The following GRID2 variants were observed in gnomAD, a reference collection of about 807,000 sequenced individuals.
GRID2 encodes glutamate ionotropic receptor delta type subunit 2.
A neutral mutation model predicts 114.8 loss-of-function variants in GRID2; 33 were observed. The ratio of observed to expected loss-of-function variants is 0.29; its 90% confidence interval spans 0.22 to 0.38. The LOEUF (loss-of-function observed/expected upper bound fraction) is 0.38, where lower values mean the gene tolerates loss of function less well. GRID2 is among the 10% of genes least tolerant of loss of function. The pLI is 1.00. For missense variants in GRID2, 1,184 were observed against 1,257.7 expected, an observed-to-expected ratio of 0.94 and a Z score of 0.89; for synonymous variants, 505 against 449.9, an observed-to-expected ratio of 1.12 and a Z score of -1.55.
rs1045798453 is a variant in GRID2, at chr4:92,958,741, T to C, written c.245-126254T>C. Among the ~76,000 whole-genome samples, 3 of 152,154 alleles carry C rather than the reference T, an allele frequency of 2.0e-5. No homozygotes were observed. In the East Asian group the frequency reaches 5.8e-4, roughly 29 times the overall value. ...ACCCTCAGAAAGACATTATAGAAAATTGGTATAATTTCTTCCTTGAATGTG... is the reference window on the plus strand; with the variant it reads ...ACCCTCAGAAAGACATTATAGAAAACTGGTATAATTTCTTCCTTGAATGTG... On this transcript the variant is annotated intron_variant, in intron 2 of 15. Coordinates refer to ENST00000282020, the MANE Select transcript of GRID2 (RefSeq NM_001510.4).
At chr4:92,977,809 A>T (rs1303356028) in intron 2 of GRID2, among the ~76,000 whole-genome samples, 1 of 152,200 alleles carries the variant, frequency 6.6e-6, no homozygotes, top group African/African-American at 2.4e-5. Context: ...GGTGATTTCC[A>T]TATTTCTAGT....
In GRID2 at chr4:92,496,230, C is replaced by T. The variant is rs537044045; in HGVS notation, c.89-93901C>T. The stretch of plus-strand genomic sequence containing the variant: ...TTTCAGAATGACTGACACACAATTT[C>T]AATATATGTACACACTCTCCTTTAC... On this transcript the variant is annotated intron_variant, in intron 1 of 15. Coordinates refer to ENST00000282020, the MANE Select transcript of GRID2 (RefSeq NM_001510.4). Among the ~76,000 whole-genome samples, 9 of 151,902 alleles carry T rather than the reference C, an allele frequency of 5.9e-5. No homozygotes were observed. In the South Asian group the frequency reaches 1.9e-3, roughly 32 times the overall value.
intron 1 of GRID2, among the ~76,000 whole-genome samples, chr4:92,306,802 G>C (rs892724523): frequency 3.9e-5 from 6 of 152,104 alleles, no homozygotes; most frequent in African/African-American, 1.4e-4. Flanking sequence ...AATTAACTGT[G>C]TACAAATTAC....
chr4:92,372,961 A>G (rs949228637), intron 1 of GRID2, among the ~76,000 whole-genome samples: 1 of 152,184 alleles, frequency 6.6e-6, no homozygotes, highest in African/African-American at 2.4e-5. Context: ...GATGACTACC[A>G]GAAACTCATC....
chr4:92,929,892 A>G (rs918181125), intron 2 of GRID2, among the ~76,000 whole-genome samples: 2 of 151,382 alleles, frequency 1.3e-5, no homozygotes, highest in African/African-American at 2.4e-5. Flanking sequence ...TGCTTAATAA[A>G]TATATTAAAC....
rs527881390 is a variant in GRID2 at position 93,092,350 on chromosome 4, C to A, written c.529+7071C>A. Among the ~76,000 whole-genome samples the A allele has an allele frequency of 1.2e-4, 18 of 152,074 alleles. No individual in the cohort carries two copies. The South Asian group carries it at 2.9e-3, about 25-fold the overall frequency. ...TCAGACTGGAACAATAATAACACGA[C>A]CTAAAAAAGTATCTACAACACTTTC... On this transcript the variant is annotated intron_variant, in intron 3 of 15. Coordinates refer to ENST00000282020, the MANE Select transcript of GRID2 (RefSeq NM_001510.4).
rs148358050 is a variant in GRID2, at chr4:93,422,213, T to C, written c.1348-558T>C. Among the ~76,000 whole-genome samples the C allele has an allele frequency of 6.2e-4, 95 of 152,306 alleles. No individual in the cohort carries two copies. In the Middle Eastern group the frequency reaches 0.02, roughly 33 times the overall value. Reference sequence around the variant, plus strand: ...AAGGTAAGTGAATTTCTCATATCAGTCATAAAGAAGCTATTTTTCCAATGA... The same window carrying C: ...AAGGTAAGTGAATTTCTCATATCAGCCATAAAGAAGCTATTTTTCCAATGA... On this transcript the variant is annotated intron_variant, in intron 9 of 15. Coordinates refer to ENST00000282020, the MANE Select transcript of GRID2 (RefSeq NM_001510.4).
At chr4:92,587,115 TG>T (rs1728490994) in intron 1 of GRID2, among the ~76,000 whole-genome samples, 1 of 150,944 alleles carries the variant, frequency 6.6e-6, no homozygotes, top group Non-Finnish European at 1.5e-5. Context: ...TGTGTGTGTG[TG>T]TGTGTGTGTG....
intron 1 of GRID2, among the ~76,000 whole-genome samples, chr4:92,530,508 G>GAAAAAAAA (rs70942906): frequency 2.1e-4 from 23 of 107,212 alleles, no homozygotes; most frequent in African/African-American, 7.8e-4. Context: ...GACTAGTACA[G>GAAAAAAAA]AAAAAAAAAA....
chr4:93,103,287 C>A (rs1731874564), intron 3 of GRID2, among the ~76,000 whole-genome samples: 1 of 152,050 alleles, frequency 6.6e-6, no homozygotes, highest in African/African-American at 2.4e-5. Flanking sequence ...TTGTTCCCTT[C>A]CCTTGGGGCA....
chr4:92,524,365 G>A (rs1319628526), intron 1 of GRID2, among the ~76,000 whole-genome samples: 1 of 147,506 alleles, frequency 6.8e-6, no homozygotes, highest in Admixed American at 6.8e-5. Flanking sequence ...AAATTAAGGT[G>A]TCAGCAGGCC....
chr4:93,627,482 A>C (rs902490953), intron 14 of GRID2, among the ~76,000 whole-genome samples: 5 of 152,212 alleles, frequency 3.3e-5, no homozygotes, highest in Non-Finnish European at 7.3e-5. Flanking sequence ...ATGAAGTTAG[A>C]TTAATTCTAA....
chr4:93,387,829 C>CAAAAAAAAAAAAAAAAAAA (rs11453782), intron 8 of GRID2, among the ~76,000 whole-genome samples: 1 of 99,102 alleles, frequency 1.0e-5, no homozygotes, highest in African/African-American at 3.2e-5. Flanking sequence ...GACTCTGTCT[C>CAAAAAAAAAAAAAAAAAAA]AAAAAAAAAA....
intron 8 of GRID2, among the ~76,000 whole-genome samples, chr4:93,366,969 T>A (rs1283078684): frequency 6.6e-6 from 1 of 151,918 alleles, no homozygotes; most frequent in Non-Finnish European, 1.5e-5. Flanking sequence ...CCCAATGTTA[T>A]GCATACTCAA....
intron 1 of GRID2, among the ~76,000 whole-genome samples, chr4:92,549,401 G>A (rs1467483866): frequency 6.6e-6 from 1 of 152,088 alleles, no homozygotes; most frequent in East Asian, 1.9e-4. Context: ...TCTCTAGGAA[G>A]TGATCTCATT....
At chr4:92,910,559 T>C (rs560402039) in intron 2 of GRID2, among the ~76,000 whole-genome samples, 1 of 152,264 alleles carries the variant, frequency 6.6e-6, no homozygotes, top group South Asian at 2.1e-4. Flanking sequence ...GGAACTGTAC[T>C]GAGGCTTTGT....
intron 1 of GRID2, among the ~76,000 whole-genome samples, chr4:92,461,945 G>A (rs1180363558): frequency 6.6e-6 from 1 of 151,854 alleles, no homozygotes; most frequent in South Asian, 2.1e-4. Flanking sequence ...CTGAGATGTT[G>A]TATTACGTCT....
intron 1 of GRID2, among the ~76,000 whole-genome samples, chr4:92,418,408 A>G (rs1232810131): frequency 6.6e-6 from 1 of 152,042 alleles, no homozygotes; most frequent in Non-Finnish European, 1.5e-5. Flanking sequence ...CAAGACAAGG[A>G]TGGGGTGGGA....
intron 12 of GRID2, among the ~76,000 whole-genome samples, chr4:93,492,793 A>G (rs1482328058): frequency 6.6e-6 from 1 of 151,884 alleles, no homozygotes. Flanking sequence ...ATATACATAT[A>G]CATTGTGAAA....
Sources: gnomAD v4.1 joint callset for allele counts (sites outside exome capture counted in the v4.1 genomes callset) on GRCh38, gnomAD v4.1.1 for gene constraint, MANE v1.5 for transcripts, NCBI Gene and HGNC (gene_info 2026-07-23, HGNC 2026-07-21) for gene names.